TXNL4B: variants seen among roughly 807,000 people sequenced by gnomAD.
TXNL4B encodes thioredoxin like 4B.
Under a neutral mutation model 13.0 loss-of-function variants are expected in TXNL4B, and 12 were observed. The observed-to-expected ratio is 0.92, with a 90% CI of 0.59 to 1.49. TXNL4B has a LOEUF of 1.49. Ranked by LOEUF, TXNL4B falls within the 40% of genes most tolerant of loss-of-function variation. TXNL4B has a pLI of 0.00. For missense variants in TXNL4B, 214 were observed against 173.6 expected (o/e 1.23, Z -1.31); for synonymous variants, 59 against 58.9 (o/e 1.00, Z -0.01).
rs1489135854 is a variant in TXNL4B, at chr16:72,086,568, C to T, written c.*69G>A. 6.9e-7 allele frequency: 1 copy of T among 1,454,554 alleles called. No individual in the cohort carries two copies. Among genetic ancestry groups the T allele is most frequent in the Non-Finnish European group, 9.5e-7 (1 of 1,054,568 alleles). The allele number at this position is 1,454,554 out of a possible 1,614,324, so 90.1% of individuals were successfully genotyped here. On this transcript the variant is annotated 3_prime_UTR_variant, in exon 4 of 4. Transcript: ENST00000268483. ...ATGTTTCCAAAGGACTCCAGAAACACAGCACAGCTGGATTCAGGTACTGTG... is the reference window on the plus strand; with the variant it reads ...ATGTTTCCAAAGGACTCCAGAAACATAGCACAGCTGGATTCAGGTACTGTG...
chr16:72,092,908 G>GCAGGCA (rs1189268304), intron 1 of TXNL4B, among the ~76,000 whole-genome samples: 14 of 152,328 alleles, frequency 9.2e-5, no homozygotes, highest in African/African-American at 3.1e-4. Context: ...AGTGGTAGGG[G>GCAGGCA]CAGGCACAGG....
chr16:72,092,152 T>C (rs1172316061), intron 1 of TXNL4B, among the ~76,000 whole-genome samples: 1 of 152,230 alleles, frequency 6.6e-6, no homozygotes, highest in Non-Finnish European at 1.5e-5. Context: ...CTCACCCCTG[T>C]AATCCCAGCA....
intron 1 of TXNL4B, 112 bp from the exon 2 acceptor site, chr16:72,090,898 T>C: frequency 1.2e-6 from 1 of 862,968 alleles, no homozygotes; most frequent in Non-Finnish European, 1.8e-6. Flanking sequence ...GAAAGAAACA[T>C]CATAGAAAGG....
intron 2 of TXNL4B, among the ~76,000 whole-genome samples, chr16:72,089,459 T>C (rs1169340841): frequency 6.6e-6 from 1 of 152,162 alleles, no homozygotes; most frequent in African/African-American, 2.4e-5. Flanking sequence ...TTCCTGTCTA[T>C]TCATTGTGGA....
rs1597427027 is a variant in TXNL4B, at chr16:72,086,585, G to C, written c.*52C>G. 6.6e-7 allele frequency: 1 copy of C among 1,521,082 alleles called. No homozygotes were observed. Among genetic ancestry groups the C allele is most frequent in the East Asian group, 2.3e-5 (1 of 44,068 alleles). The allele number at this position is 1,521,082 out of a possible 1,614,324, so 94.2% of individuals were successfully genotyped here. A position where few individuals can be genotyped will look rare whatever the true frequency, so the allele number is the denominator to read the frequency against. ...CAGAAACACAGCACAGCTGGATTCA[G>C]GTACTGTGTCAAGATGTGCCTTCTT... On this transcript the variant is annotated 3_prime_UTR_variant, in exon 4 of 4. Coordinates refer to ENST00000268483, the MANE Select transcript of TXNL4B (RefSeq NM_017853.3).
At chr16:72,087,739 A>C (rs971172276) in intron 3 of TXNL4B, among the ~76,000 whole-genome samples, 2 of 151,954 alleles carry the variant, frequency 1.3e-5, no homozygotes, top group African/African-American at 4.8e-5. Context: ...TTCTCTGCTC[A>C]CTGCAACCTC....
intron 1 of TXNL4B, among the ~76,000 whole-genome samples, chr16:72,091,374 T>C (rs2041902366): frequency 6.6e-6 from 1 of 151,876 alleles, no homozygotes; most frequent in Admixed American, 6.6e-5. Context: ...CTCTCCTCCC[T>C]CCCTCTGACC....
Position 72,086,524 on chromosome 16 carries a change from C to T in TXNL4B, c.*113G>A, listed in dbSNP as rs2041825301. 29 of 1,033,778 alleles carry T rather than the reference C, an allele frequency of 2.8e-5. 1 individual carries two copies. In the South Asian group the frequency reaches 5.2e-4, roughly 18 times the overall value. 64.0% of individuals were successfully genotyped at this position (1,033,778 alleles called of 1,614,324 possible). The stretch of plus-strand genomic sequence containing the variant: ...CGGGTTTTCTACACGCAAGTCAAAC[C>T]TCTTCTCCTCTGGGACACATGTTTC... On this transcript the variant is annotated 3_prime_UTR_variant, in exon 4 of 4. Transcript: ENST00000268483.
intron 1 of TXNL4B, among the ~76,000 whole-genome samples, chr16:72,091,402 CG>C (rs2041902814): frequency 6.6e-6 from 1 of 152,150 alleles, no homozygotes; most frequent in African/African-American, 2.4e-5. Context: ...ATGCAACCAC[CG>C]GCTGACTCCA....
chr16:72,086,629 T>C lies in TXNL4B; in HGVS notation c.*8A>G. On this transcript the variant is annotated 3_prime_UTR_variant, in exon 4 of 4. Transcript: ENST00000268483. ...CCTTCTTCTTCATCTTTGACAGCAA[T>C]TAATGTACTAAATGTCTTGATAGAG... 6.2e-7 allele frequency: 1 copy of C among 1,607,942 alleles called. No individual in the cohort carries two copies. The highest frequency in any genetic ancestry group is 8.5e-7 in the Non-Finnish European group (1 of 1,175,014).
At chr16:72,093,340 C>A (rs1405081268) in intron 1 of TXNL4B, 27 bp downstream of exon 1, 2 of 152,280 alleles carry the variant, frequency 1.3e-5, no homozygotes, top group Admixed American at 1.3e-4. Flanking sequence ...TCCTGGCCCA[C>A]AAGCGCTAAG....
chr16:72,086,578 G>T lies in TXNL4B; in HGVS notation c.*59C>A. ...AGGACTCCAGAAACACAGCACAGCT[G>T]GATTCAGGTACTGTGTCAAGATGTG... is the stretch of plus-strand genomic sequence containing the variant. On this transcript the variant is annotated 3_prime_UTR_variant, in exon 4 of 4. Transcript: ENST00000268483. The T allele has an allele frequency of 6.7e-7, 1 of 1,483,298 alleles. No homozygotes were observed. The highest frequency in any genetic ancestry group is 9.3e-7 in the Non-Finnish European group (1 of 1,071,714). The allele number at this position is 1,483,298 out of a possible 1,614,324, so 91.9% of individuals were successfully genotyped here. A position where few individuals can be genotyped will look rare whatever the true frequency, so the allele number is the denominator to read the frequency against.
intron 2 of TXNL4B, among the ~76,000 whole-genome samples, chr16:72,089,356 G>A (rs1190370600): frequency 1.3e-5 from 2 of 152,216 alleles, no homozygotes; most frequent in African/African-American, 4.8e-5. Context: ...AACTGTATGA[G>A]GTTAGGAAGG....
At chr16:72,091,086 C>G (rs1360397399) in intron 1 of TXNL4B, among the ~76,000 whole-genome samples, 1 of 152,124 alleles carries the variant, frequency 6.6e-6, no homozygotes, top group Non-Finnish European at 1.5e-5. Context: ...TCTCTCCCCA[C>G]CCCCAAAAGA....
intron 3 of TXNL4B, among the ~76,000 whole-genome samples, chr16:72,087,919 A>G (rs970392466): frequency 6.6e-6 from 1 of 152,104 alleles, no homozygotes; most frequent in African/African-American, 2.4e-5. Flanking sequence ...TCCTGGGTTC[A>G]TGCCATTTTT....
rs1435218509 is a variant in TXNL4B at position 72,086,810 on chromosome 16, G to A, written c.285-8C>T. The stretch of plus-strand genomic sequence containing the variant: ...TTAGTGTGATCTGGAGATCTAGACA[G>A]CATAGAAGAGAAACAACTGCTCTAA... On this transcript the variant is annotated splice_region_variant and splice_polypyrimidine_tract_variant and intron_variant, in intron 3 of 3. Coordinates refer to ENST00000268483, the MANE Select transcript of TXNL4B (RefSeq NM_017853.3). 1.3e-6 allele frequency: 2 copies of A among 1,557,658 alleles called. No individual in the cohort carries two copies. Among genetic ancestry groups the A allele is most frequent in the African/African-American group, 1.4e-5 (1 of 73,898 alleles).
At chr16:72,087,811 C>T (rs1036291161) in intron 3 of TXNL4B, among the ~76,000 whole-genome samples, 1 of 151,994 alleles carries the variant, frequency 6.6e-6, no homozygotes, top group African/African-American at 2.4e-5. Flanking sequence ...ATTACAGGCA[C>T]CCACCATCAT....
upstream of TXNL4B, chr16:72,094,355 G>T (rs1266422336): frequency 6.6e-6 from 1 of 152,276 alleles, no homozygotes; most frequent in East Asian, 1.9e-4. Flanking sequence ...CTGTCACCGA[G>T]CCCGAGTAGG....
At position 72,086,806 on chromosome 16, in the gene TXNL4B, G is replaced by C. The variant is rs2041830123; in HGVS notation, c.285-4C>G. Reference sequence around the variant, plus strand: ...AAACTTAGTGTGATCTGGAGATCTAGACAGCATAGAAGAGAAACAACTGCT... The same window carrying C: ...AAACTTAGTGTGATCTGGAGATCTACACAGCATAGAAGAGAAACAACTGCT... On this transcript the variant is annotated splice_region_variant and splice_polypyrimidine_tract_variant and intron_variant, in intron 3 of 3. Coordinates refer to ENST00000268483, the MANE Select transcript of TXNL4B (RefSeq NM_017853.3). 4 of 1,590,574 alleles carry C rather than the reference G, an allele frequency of 2.5e-6. No homozygotes were observed. Among genetic ancestry groups the C allele is most frequent in the Non-Finnish European group, 2.6e-6 (3 of 1,162,744 alleles).
Sources: gnomAD v4.1 joint callset for allele counts (sites outside exome capture counted in the v4.1 genomes callset) on GRCh38, gnomAD v4.1.1 for gene constraint, MANE v1.5 for transcripts, NCBI Gene and HGNC (gene_info 2026-07-23, HGNC 2026-07-21) for gene names.